CFAP20DC: variants seen among roughly 807,000 people sequenced by gnomAD.
The protein encoded by CFAP20DC is CFAP20 domain containing, also known as protein CFAP20DC.
Under a neutral mutation model 101.7 loss-of-function variants are expected in CFAP20DC, and 84 were observed. The ratio of observed to expected loss-of-function variants is 0.83; its 90% CI spans 0.69 to 0.99. The LOEUF (loss-of-function observed/expected upper bound fraction) is 0.99. Among genes scored for constraint, CFAP20DC ranks in the 50% least tolerant of loss-of-function variants. The pLI is 0.00. For missense variants in CFAP20DC, 1,007 were observed against 970.3 expected, an observed-to-expected ratio of 1.04 and a Z score of -0.50; for synonymous variants, 359 against 351.2, an observed-to-expected ratio of 1.02 and a Z score of -0.25.
intron 5 of CFAP20DC, among the ~76,000 whole-genome samples, chr3:58,932,274 G>A (rs541182717): frequency 4.6e-5 from 7 of 152,326 alleles, no homozygotes; most frequent in Middle Eastern, 3.4e-3. Flanking sequence ...GGGACTATGT[G>A]AAAAGACCAA....
At chr3:58,822,988 A>T (rs1459835123) in intron 14 of CFAP20DC, among the ~76,000 whole-genome samples, 1 of 152,130 alleles carries the variant, frequency 6.6e-6, no homozygotes, top group African/African-American at 2.4e-5. Flanking sequence ...TCTGAACAAA[A>T]GCCTTGCTGA....
intron 4 of CFAP20DC, among the ~76,000 whole-genome samples, chr3:58,945,555 T>C (rs866669011): frequency 6.6e-6 from 1 of 152,296 alleles, no homozygotes; most frequent in South Asian, 2.1e-4. Flanking sequence ...GGTAACCTCA[T>C]ACCTCACAAT....
At chr3:58,988,162 T>A (rs1273967468) in intron 4 of CFAP20DC, among the ~76,000 whole-genome samples, 1 of 152,128 alleles carries the variant, frequency 6.6e-6, no homozygotes, top group Non-Finnish European at 1.5e-5. Context: ...ATCTGTAATG[T>A]CATCCATGAC....
rs1362914141 is a variant in CFAP20DC, at chr3:58,849,258, C to A, written c.1745G>T (p.Ser582Ile). The A allele has an allele frequency of 2.6e-6, 4 of 1,536,068 alleles. No homozygotes were observed. Among genetic ancestry groups the A allele is most frequent in the African/African-American group, 2.7e-5 (2 of 73,148 alleles). Residue 582 changes from serine to isoleucine, a missense_variant, in exon 13 of 17, where the codon AGC becomes ATC. Transcript: ENST00000482387. The stretch of plus-strand genomic sequence containing the variant: ...TATTTGCTCCATCGAGGAATCCTGG[C>A]TTTCTGTTGCTCCTGCTTCTGTGTA... ...SAYTEAGATE[S>I]QDSSMEQIDR...
intron 14 of CFAP20DC, among the ~76,000 whole-genome samples, chr3:58,810,359 T>A (rs2074508151): frequency 6.6e-6 from 1 of 152,092 alleles, no homozygotes. Context: ...TCCACCATGA[T>A]CAAGTGGGCT....
chr3:59,041,267 G>T (rs940623540), intron 3 of CFAP20DC, among the ~76,000 whole-genome samples: 4 of 152,094 alleles, frequency 2.6e-5, no homozygotes, highest in African/African-American at 9.6e-5. Context: ...CACACATAGG[G>T]CATTTTTATA....
At chr3:58,808,958 G>C (rs2074363579) in intron 14 of CFAP20DC, among the ~76,000 whole-genome samples, 2 of 151,928 alleles carry the variant, frequency 1.3e-5, no homozygotes, top group Admixed American at 6.6e-5. Context: ...AAGATCAAAA[G>C]AGACAAAGAA....
At chr3:58,980,121 G>C (rs1206465140) in intron 4 of CFAP20DC, among the ~76,000 whole-genome samples, 1 of 152,156 alleles carries the variant, frequency 6.6e-6, no homozygotes, top group Non-Finnish European at 1.5e-5. Context: ...CCTGCTAAAT[G>C]TATATATCCC....
chr3:58,856,454 T>C (rs1209639956), intron 12 of CFAP20DC, among the ~76,000 whole-genome samples: 1 of 152,164 alleles, frequency 6.6e-6, no homozygotes, highest in African/African-American at 2.4e-5. Flanking sequence ...TTTTTGCAAA[T>C]GTAACAATCC....
intron 14 of CFAP20DC, among the ~76,000 whole-genome samples, chr3:58,809,347 A>T (rs1238282551): frequency 1.3e-5 from 2 of 152,216 alleles, no homozygotes; most frequent in African/African-American, 2.4e-5. Flanking sequence ...ATTATAATAA[A>T]TTGTCTCTCA....
At chr3:58,860,054 G>A (rs775800536) in intron 12 of CFAP20DC, among the ~76,000 whole-genome samples, 5 of 151,534 alleles carry the variant, frequency 3.3e-5, no homozygotes, top group Non-Finnish European at 7.4e-5. Flanking sequence ...GTGTGTACCT[G>A]TAATCCCAGC....
intron 4 of CFAP20DC, among the ~76,000 whole-genome samples, chr3:58,969,657 A>C (rs1052916805): frequency 6.6e-6 from 1 of 152,202 alleles, no homozygotes; most frequent in Admixed American, 6.5e-5. Context: ...ATAAATCACT[A>C]ATATCCATGT....
At chr3:58,928,833 T>G (rs2086265978) in intron 5 of CFAP20DC, among the ~76,000 whole-genome samples, 1 of 152,212 alleles carries the variant, frequency 6.6e-6, no homozygotes, top group South Asian at 2.1e-4. Flanking sequence ...TAACATGAGC[T>G]GAAGTCACCT....
intron 15 of CFAP20DC, among the ~76,000 whole-genome samples, chr3:58,778,720 G>A (rs1263287632): frequency 6.6e-6 from 1 of 152,170 alleles, no homozygotes; most frequent in Non-Finnish European, 1.5e-5. Flanking sequence ...CCAAATACAG[G>A]CATGGTCAGC....
At chr3:58,969,620 T>G (rs985788465) in intron 4 of CFAP20DC, among the ~76,000 whole-genome samples, 1 of 152,218 alleles carries the variant, frequency 6.6e-6, no homozygotes, top group Non-Finnish European at 1.5e-5. Flanking sequence ...ATCCATACAA[T>G]GTATTATTCT....
intron 15 of CFAP20DC, among the ~76,000 whole-genome samples, chr3:58,771,945 T>C (rs906753249): frequency 2.0e-5 from 3 of 152,192 alleles, no homozygotes; most frequent in Non-Finnish European, 4.4e-5. Flanking sequence ...TCCATGCACA[T>C]GTAAAAATTA....
At chr3:58,797,817 G>A (rs1217694112) in intron 15 of CFAP20DC, among the ~76,000 whole-genome samples, 2 of 152,168 alleles carry the variant, frequency 1.3e-5, no homozygotes, top group Admixed American at 1.3e-4. Flanking sequence ...GACTATTCCA[G>A]AAATCCTAGG....
chr3:58,931,898 C>G (rs1157886031), intron 5 of CFAP20DC, among the ~76,000 whole-genome samples: 1 of 152,222 alleles, frequency 6.6e-6, no homozygotes, highest in Non-Finnish European at 1.5e-5. Flanking sequence ...CAGTTCCTCT[C>G]CAGCAACGGA....
At chr3:58,996,972 G>A (rs1183229843) in intron 4 of CFAP20DC, among the ~76,000 whole-genome samples, 1 of 152,160 alleles carries the variant, frequency 6.6e-6, no homozygotes, top group African/African-American at 2.4e-5. Context: ...GTGGAATCTG[G>A]GATTCAAGCT....
Sources: allele counts gnomAD v4.1 joint callset (sites outside exome capture counted in the v4.1 genomes callset), GRCh38; gene constraint gnomAD v4.1.1; transcripts MANE v1.5; gene names NCBI Gene and HGNC (gene_info 2026-07-23, HGNC 2026-07-21).